The following CAMK2A variants were observed in gnomAD, a reference collection of about 807,000 sequenced individuals.
The protein encoded by CAMK2A is calcium/calmodulin dependent protein kinase II alpha.
In CAMK2A, 7 loss-of-function variants were observed where a neutral mutation model predicts 79.2. That is an observed-to-expected ratio of 0.09 (90% CI 0.05 to 0.17). CAMK2A has a LOEUF of 0.17. CAMK2A is among the 10% of genes least tolerant of loss of function. The pLI is 1.00. For missense variants in CAMK2A, 214 were observed against 646.4 expected (o/e 0.33, Z 7.25); for synonymous variants, 242 against 251.7 (o/e 0.96, Z 0.36).
chr5:150,242,304 C>G (rs116311071), intron 13 of CAMK2A, among the ~76,000 whole-genome samples: 2 of 152,134 alleles, frequency 1.3e-5, no homozygotes, highest in Non-Finnish European at 2.9e-5. Flanking sequence ...AAGTAGAAAC[C>G]GCATCTCTTA....
At chr5:150,233,524 C>G (rs995052772) in intron 15 of CAMK2A, among the ~76,000 whole-genome samples, 1 of 152,162 alleles carries the variant, frequency 6.6e-6, no homozygotes, top group African/African-American at 2.4e-5. Flanking sequence ...TGCTGCACCT[C>G]TCTCTCTGGG....
rs1316277420 is a variant in CAMK2A, at chr5:150,269,930, A to AC, written c.157+3134dup. Among the ~76,000 whole-genome samples the AC allele has an allele frequency of 2.0e-5, 3 of 152,168 alleles. No homozygotes were observed. In the East Asian group the frequency reaches 5.8e-4, roughly 29 times the overall value. ...GCTGGATGAGCTTGTCATGCTCCCC[A>AC]CCTGGTGCCCCGAGACTTGTCACTG... On this transcript the variant is annotated intron_variant, in intron 2 of 18. Transcript: ENST00000671881.
At chr5:150,239,663 G>A (rs745673570) in intron 14 of CAMK2A, 41 bp downstream of exon 14, 9 of 1,604,562 alleles carry the variant, frequency 5.6e-6, no homozygotes, top group Middle Eastern at 1.7e-4. Flanking sequence ...AAGGGTTCGA[G>A]GCCCAGCATT....
chr5:150,229,254 C>G (rs1754738672), intron 16 of CAMK2A, among the ~76,000 whole-genome samples: 1 of 152,204 alleles, frequency 6.6e-6, no homozygotes, highest in Non-Finnish European at 1.5e-5. Context: ...CTTCTCTACT[C>G]ATGACCCCAA....
At chr5:150,233,301 C>G (rs1243022844) in intron 15 of CAMK2A, among the ~76,000 whole-genome samples, 1 of 152,208 alleles carries the variant, frequency 6.6e-6, no homozygotes, top group African/African-American at 2.4e-5. Context: ...AGCTGGGACC[C>G]TAATCAGAGT....
chr5:150,224,466 G>GA (rs1488809422), intron 17 of CAMK2A, among the ~76,000 whole-genome samples: 1 of 151,958 alleles, frequency 6.6e-6, no homozygotes, highest in East Asian at 1.9e-4. Context: ...CTTATTTCCT[G>GA]AAAAATGTAA....
At position 150,254,935 on chromosome 5, in the gene CAMK2A, C is replaced by T. The variant is rs150850873; in HGVS notation, c.412-1389G>A. Among the ~76,000 whole-genome samples the T allele has an allele frequency of 3.1e-3, 469 of 152,294 alleles. 4 individuals carry two copies. The highest frequency in any genetic ancestry group is 0.011 in the African/African-American group (439 of 41,546). Reference sequence around the variant, plus strand: ...CTGAAGACTGTTGGTTTTGAGTCCTCCTCTGATCCCCTTCCCAGTGGGACT... The same window carrying T: ...CTGAAGACTGTTGGTTTTGAGTCCTTCTCTGATCCCCTTCCCAGTGGGACT... On this transcript the variant is annotated intron_variant, in intron 6 of 18. Transcript: ENST00000671881.
intron 3 of CAMK2A, among the ~76,000 whole-genome samples, chr5:150,264,063 T>G (rs955844349): frequency 2.0e-5 from 3 of 152,154 alleles, no homozygotes; most frequent in Admixed American, 6.5e-5. Context: ...CTGTCAGAGT[T>G]GGAAGAGTCC....
chr5:150,224,188 G>A (rs777389515), intron 17 of CAMK2A, among the ~76,000 whole-genome samples: 1 of 152,146 alleles, frequency 6.6e-6, no homozygotes, highest in Non-Finnish European at 1.5e-5. Context: ...CTAGAAACTC[G>A]ATGTTTTCCT....
At chr5:150,225,898 C>T (rs902330557) in intron 17 of CAMK2A, among the ~76,000 whole-genome samples, 2 of 152,092 alleles carry the variant, frequency 1.3e-5, no homozygotes, top group African/African-American at 4.8e-5. Flanking sequence ...GTGTGCACCA[C>T]CATACCTGGC....
intron 3 of CAMK2A, 38 bp downstream of exon 3, chr5:150,264,918 C>T (rs750699242): frequency 6.3e-7 from 1 of 1,575,898 alleles, no homozygotes; most frequent in East Asian, 2.2e-5. Flanking sequence ...GGAGCAGGGC[C>T]TGGCTCCCCT....
intron 15 of CAMK2A, among the ~76,000 whole-genome samples, chr5:150,234,962 G>T (rs976543216): frequency 6.6e-6 from 1 of 152,180 alleles, no homozygotes; most frequent in African/African-American, 2.4e-5. Flanking sequence ...TCTCTTCTCA[G>T]AGCTGAAGGC....
chr5:150,247,923 A>G, intron 11 of CAMK2A, 109 bp from the exon 12 acceptor site: 1 of 886,378 alleles, frequency 1.1e-6, no homozygotes, highest in Non-Finnish European at 1.8e-6. Flanking sequence ...TGCTGCATTC[A>G]GAGAAGAAGC....
intron 13 of CAMK2A, among the ~76,000 whole-genome samples, chr5:150,240,291 G>A (rs1309460050): frequency 1.3e-5 from 2 of 152,206 alleles, no homozygotes; most frequent in African/African-American, 2.4e-5. Flanking sequence ...GGTGCGGCCT[G>A]AGCATCTCCA....
At chr5:150,280,367 C>G (rs940082505) in intron 1 of CAMK2A, among the ~76,000 whole-genome samples, 1 of 152,160 alleles carries the variant, frequency 6.6e-6, no homozygotes, top group African/African-American at 2.4e-5. Context: ...TGACTGTTTC[C>G]TCAAACACGC....
intron 13 of CAMK2A, among the ~76,000 whole-genome samples, chr5:150,242,376 A>G (rs1325020849): frequency 6.6e-6 from 1 of 152,220 alleles, no homozygotes; most frequent in Admixed American, 6.5e-5. Context: ...TATGGTCAAA[A>G]TTAGCCTCGA....
intron 4 of CAMK2A, among the ~76,000 whole-genome samples, 168 bp downstream of exon 4, chr5:150,257,395 T>G (rs555517617): frequency 6.6e-6 from 1 of 152,318 alleles, no homozygotes; most frequent in African/African-American, 2.4e-5. Context: ...TAAAAGTGTT[T>G]GTTGGTGTTT....
At chr5:150,259,474 A>T (rs1756210446) in intron 3 of CAMK2A, among the ~76,000 whole-genome samples, 1 of 152,126 alleles carries the variant, frequency 6.6e-6, no homozygotes, top group South Asian at 2.1e-4. Flanking sequence ...GTGAGCCAAG[A>T]TTGCCCCACT....
chr5:150,232,088 C>A (rs1341321357), intron 15 of CAMK2A, among the ~76,000 whole-genome samples: 1 of 152,192 alleles, frequency 6.6e-6, no homozygotes, highest in East Asian at 1.9e-4. Flanking sequence ...ATGTTCTGAG[C>A]CTCAGTTTTC....
Sources: gnomAD v4.1 joint callset for allele counts (sites outside exome capture counted in the v4.1 genomes callset) on GRCh38, gnomAD v4.1.1 for gene constraint, MANE v1.5 for transcripts, NCBI Gene and HGNC (gene_info 2026-07-23, HGNC 2026-07-21) for gene names.